The following ZFHX2 variants were observed in gnomAD, a reference collection of about 807,000 sequenced individuals.
ZFHX2 encodes the protein zinc finger homeobox 2.
A neutral mutation model predicts 164.8 loss-of-function variants in ZFHX2; 75 were observed. The ratio of observed to expected loss-of-function variants is 0.46; its 90% CI spans 0.38 to 0.55. The LOEUF is 0.55. ZFHX2 is among the 20% of genes least tolerant of loss of function. ZFHX2 has a pLI of 0.00. For missense variants in ZFHX2, 2,933 were observed against 3,308.0 expected, an observed-to-expected ratio of 0.89 and a Z score of 2.78; for synonymous variants, 1,217 against 1,351.4, an observed-to-expected ratio of 0.90 and a Z score of 2.18.
chr14:23,527,901 CT>C (rs745574496), intron 6 of ZFHX2, 97 bp from the exon 7 acceptor site: 63,000 of 446,160 alleles, frequency 0.14, 6 homozygotes, highest in South Asian at 0.18. Flanking sequence ...GCCCCCACTC[CT>C]TTTTTTTTTT....
At chr14:23,545,862 G>C (rs751633408) in intron 1 of ZFHX2, among the ~76,000 whole-genome samples, 8 of 152,198 alleles carry the variant, frequency 5.3e-5, no homozygotes, top group Admixed American at 1.3e-4. Flanking sequence ...ACAAAACAAG[G>C]AATGAAAAAT....
chr14:23,531,383 T>C, intron 4 of ZFHX2, 98 bp downstream of exon 4: 1 of 1,329,414 alleles, frequency 7.5e-7, no homozygotes, highest in Non-Finnish European at 9.6e-7. Flanking sequence ...ACAGGCCCTC[T>C]TCGCCTTCCT....
chr14:23,530,434 G>C, intron 4 of ZFHX2: 1 of 677,608 alleles, frequency 1.5e-6, no homozygotes, highest in African/African-American at 1.8e-5. Context: ...TCCAGTTCCT[G>C]TCCTTTTATA....
chr14:23,523,719 G>A lies in ZFHX2; in HGVS notation c.6223C>T (p.Leu2075=). Residue 2075 remains leucine, a synonymous_variant, in exon 9 of 10, where the codon CTG becomes TTG. Coordinates refer to ENST00000419474, the MANE Select transcript of ZFHX2 (RefSeq NM_033400.3). This position sits in a 1 kb window ranked among gnomAD's most constrained non-coding sequence, Gnocchi z 4.1. The part of the protein sequence containing the change: ...QRRYRTQMSS[L]QLKIMKACYE... ...CAGGCTTTCATGATCTTCAGCTGCA[G>A]GCTGCTCATCTGGGTCCTGTAGCGC... 6.5e-7 allele frequency: 1 copy of A among 1,536,458 alleles called. No homozygotes were observed. Among genetic ancestry groups the A allele is most frequent in the Non-Finnish European group, 8.7e-7 (1 of 1,146,996 alleles).
In ZFHX2 at chr14:23,534,051, G is replaced by A. The variant is rs1320954442; in HGVS notation, c.1275C>T (p.Tyr425=). ...PPQPYRLADD[Y]TPAPAAFQGL... ...CCTGGAAGGCTGCAGGGGCTGGGGT[G>A]TAGTCATCAGCTAGGCGATAGGGCT... is the stretch of plus-strand genomic sequence containing the variant. Residue 425 remains tyrosine, a synonymous_variant, in exon 2 of 10, where the codon TAC becomes TAT. Transcript: ENST00000419474. The surrounding 1 kb of genome is among the most constrained non-coding windows in gnomAD (Gnocchi z 4.5). 2 of 1,532,744 alleles carry A rather than the reference G, an allele frequency of 1.3e-6. No individual in the cohort carries two copies. Among genetic ancestry groups the A allele is most frequent in the South Asian group, 2.4e-5 (2 of 83,560 alleles). The allele number at this position is 1,532,744 out of a possible 1,614,324, so 94.9% of individuals were successfully genotyped here.
At chr14:23,549,225 T>A (rs1881708326) in intron 1 of ZFHX2, among the ~76,000 whole-genome samples, 1 of 152,170 alleles carries the variant, frequency 6.6e-6, no homozygotes, top group Non-Finnish European at 1.5e-5. Flanking sequence ...GTTCCTCCCC[T>A]GCCCCCGAGT....
chr14:23,528,862 C>G (rs1173897051), intron 6 of ZFHX2: 37 of 977,030 alleles, frequency 3.8e-5, no homozygotes, highest in Non-Finnish European at 4.3e-5. Context: ...CAGCCTGCAT[C>G]CAGGCTGGCA....
rs778384138 is a variant in ZFHX2, at chr14:23,522,654, C to T, written c.7027G>A (p.Gly2343Ser). Residue 2343 changes from glycine (G) to serine (S), a missense_variant, in exon 10 of 10, where the codon GGC becomes AGC. Transcript: ENST00000419474. ...GGCAATGGAAAGGGCAGGAACTGGCCCCCCAACAGGGCTGGGACAGTGGTC... is the reference window on the plus strand; with the variant it reads ...GGCAATGGAAAGGGCAGGAACTGGCTCCCCAACAGGGCTGGGACAGTGGTC... ...LKTTVPALLG[G>S]QFLPFPLPPA... 2 of 1,536,256 alleles carry T rather than the reference C, an allele frequency of 1.3e-6. No individual in the cohort carries two copies. The highest frequency in any genetic ancestry group is 1.2e-5 in the South Asian group (1 of 84,044).
Position 23,533,957 on chromosome 14 carries a change from T to C in ZFHX2, c.1369A>G (p.Lys457Glu). Residue 457 changes from lysine (K) to glutamate (E), a missense_variant, in exon 2 of 10, where the codon AAG becomes GAG. Transcript: ENST00000419474. The surrounding 1 kb of genome is among the most constrained non-coding windows in gnomAD (Gnocchi z 4.8). Reference protein sequence around the residue: ...RNSCKTLKCPKCNWHYKYQQT... With the variant: ...RNSCKTLKCPECNWHYKYQQT... ...TGGTACTTGTAGTGCCAGTTGCACT[T>C]GGGACACTTGAGTGTCTTGCAGGAG... is the stretch of plus-strand genomic sequence containing the variant. The C allele has an allele frequency of 6.5e-7, 1 of 1,537,864 alleles. No individual in the cohort carries two copies. Among genetic ancestry groups the C allele is most frequent in the Non-Finnish European group, 8.7e-7 (1 of 1,147,036 alleles).
intron 4 of ZFHX2, 92 bp downstream of exon 4, chr14:23,531,389 T>C: frequency 7.5e-7 from 1 of 1,328,186 alleles, no homozygotes; most frequent in Non-Finnish European, 9.6e-7. Flanking sequence ...CCTCTTCGCC[T>C]TCCTTGTATC....
Position 23,523,129 on chromosome 14 carries a change from G to A in ZFHX2, c.6739+74C>T, listed in dbSNP as rs1878255226. On this transcript the variant is annotated intron_variant, in intron 9 of 9. Coordinates refer to ENST00000419474, the MANE Select transcript of ZFHX2 (RefSeq NM_033400.3). The surrounding 1 kb of genome is among the most constrained non-coding windows in gnomAD (Gnocchi z 4.1). Reference sequence around the variant, plus strand: ...GGAGATTGGGCATGGGAAGAATCAGGAAGGAAAAGGAAGGGCATGTCATTA... The same window carrying A: ...GGAGATTGGGCATGGGAAGAATCAGAAAGGAAAAGGAAGGGCATGTCATTA... 3 of 1,400,096 alleles carry A rather than the reference G, an allele frequency of 2.1e-6. No individual in the cohort carries two copies. Among genetic ancestry groups the A allele is most frequent in the Non-Finnish European group, 2.8e-6 (3 of 1,082,596 alleles). The allele number at this position is 1,400,096 out of a possible 1,614,324, so 86.7% of individuals were successfully genotyped here. A position where few individuals can be genotyped will look rare whatever the true frequency, so the allele number is the denominator to read the frequency against.
chr14:23,538,348 C>T (rs1332141024), intron 1 of ZFHX2, among the ~76,000 whole-genome samples: 2 of 150,348 alleles, frequency 1.3e-5, no homozygotes, highest in Non-Finnish European at 3.0e-5. Flanking sequence ...CCTTTCTTCT[C>T]GGAGCTTCTC....
chr14:23,526,681 T>C lies in ZFHX2; in HGVS notation c.3263-2A>G. 6.5e-7 allele frequency: 1 copy of C among 1,535,878 alleles called. No homozygotes were observed. Among genetic ancestry groups the C allele is most frequent in the Non-Finnish European group, 8.7e-7 (1 of 1,146,856 alleles). ...CTTCTGGGGTCAGGTTAGGGCCTTC[T>C]AGGGGAGAGAGAAGAAAGTACAATG... On this transcript the variant is annotated splice_acceptor_variant, in intron 8 of 9. Coordinates refer to ENST00000419474, the MANE Select transcript of ZFHX2 (RefSeq NM_033400.3). LOFTEE classifies it high-confidence loss of function.
rs759715313 is a variant in ZFHX2, at chr14:23,523,471, G to T, written c.6471C>A (p.Phe2157Leu). ...DCPYCDVKYD[F>L]YVSCRGHLFS... Reference sequence around the variant, plus strand: ...AGAGATGGCCTCGGCAGGAGACATAGAAATCATACTTGACATCACAATAGG... The same window carrying T: ...AGAGATGGCCTCGGCAGGAGACATATAAATCATACTTGACATCACAATAGG... The change falls in exon 9 of 10, where the codon TTC (phenylalanine) becomes TTA (leucine). Residue 2157 changes from phenylalanine (F) to leucine (L), a missense_variant. By Grantham distance (22) the Phe-to-Leu change is conservative. Coordinates refer to ENST00000419474, the MANE Select transcript of ZFHX2 (RefSeq NM_033400.3). This position sits in a 1 kb window ranked among gnomAD's most constrained non-coding sequence, Gnocchi z 4.1. 4.2e-5 allele frequency: 65 copies of T among 1,536,086 alleles called. No homozygotes were observed. The highest frequency in any genetic ancestry group is 5.6e-5 in the Non-Finnish European group (64 of 1,146,888).
chr14:23,538,369 C>T (rs1477445023), intron 1 of ZFHX2, among the ~76,000 whole-genome samples: 1 of 151,928 alleles, frequency 6.6e-6, no homozygotes, highest in African/African-American at 2.4e-5. Context: ...CCATCACCCA[C>T]TATTTATTAC....
rs570263248 is a variant in ZFHX2 at position 23,533,773 on chromosome 14, G to T, written c.1553C>A (p.Thr518Asn). ...YRCDVCNYST[T>N]TKGNLSIHMQ... ...ATGGATGCTGAGGTTGCCTTTGGTG[G>T]TTGTAGAGTAGTTGCAGACGTCACA... Residue 518 changes from threonine (T) to asparagine (N), a missense_variant, in exon 2 of 10, where the codon ACC becomes AAC. Transcript: ENST00000419474. This position sits in a 1 kb window ranked among gnomAD's most constrained non-coding sequence, Gnocchi z 4.8. The T allele has an allele frequency of 7.7e-6, 12 of 1,558,384 alleles. No individual in the cohort carries two copies. In the East Asian group the frequency reaches 2.4e-4, roughly 31 times the overall value.
At chr14:23,538,678 G>T (rs1434939116) in intron 1 of ZFHX2, among the ~76,000 whole-genome samples, 1 of 152,110 alleles carries the variant, frequency 6.6e-6, no homozygotes, top group Non-Finnish European at 1.5e-5. Context: ...AAGAGACAAG[G>T]CGACCCCTGA....
In ZFHX2 at chr14:23,522,477, G is replaced by A; in HGVS notation, c.7204C>T (p.Gln2402Ter). The change falls in exon 10 of 10, where the codon CAG becomes TAG. Residue 2402 changes from glutamine to a stop codon, truncating the protein, a stop_gained. Coordinates refer to ENST00000419474, the MANE Select transcript of ZFHX2 (RefSeq NM_033400.3). LOFTEE classifies it high-confidence loss of function. Reference protein sequence around the residue: ...LIGLLPNALLQPPPQPPEPTA... With the variant: ...LIGLLPNALL ...GGCTCAGGGGGCTGGGGTGGCGGCT[G>A]GAGGAGGGCATTGGGGAGCAGCCCA... is the stretch of plus-strand genomic sequence containing the variant. 1 of 1,535,340 alleles carries A rather than the reference G, an allele frequency of 6.5e-7. No individual in the cohort carries two copies. The highest frequency in any genetic ancestry group is 8.7e-7 in the Non-Finnish European group (1 of 1,146,356).
At chr14:23,541,843 T>G (rs1342926890) in intron 1 of ZFHX2, among the ~76,000 whole-genome samples, 1 of 152,228 alleles carries the variant, frequency 6.6e-6, no homozygotes, top group East Asian at 1.9e-4. Context: ...AAATCTTACC[T>G]TCTATATTTA....
Sources: allele counts gnomAD v4.1 joint callset (sites outside exome capture counted in the v4.1 genomes callset), GRCh38; gene constraint gnomAD v4.1.1; non-coding constraint Gnocchi (gnomAD v3.1); transcripts MANE v1.5; gene names NCBI Gene and HGNC (gene_info 2026-07-23, HGNC 2026-07-21).